The following RGMA variants were observed in gnomAD, a reference collection of about 807,000 sequenced individuals.
The protein encoded by RGMA is repulsive guidance molecule A.
RGMA carries 10 observed loss-of-function variants against 23.2 expected under a neutral mutation model. The observed-to-expected ratio is 0.43, with a 90% CI of 0.27 to 0.73. RGMA has a LOEUF of 0.73. Among genes scored for constraint, RGMA ranks in the 30% least tolerant of loss-of-function variants. The pLI, the probability that RGMA is intolerant of heterozygous loss-of-function variation, is 0.20. For missense variants in RGMA, 547 were observed against 630.5 expected (o/e 0.87, Z 1.42); for synonymous variants, 308 against 279.3 (o/e 1.10, Z -1.03).
Position 93,062,703 on chromosome 15 carries a change from C to G in RGMA, c.131-10196G>C, listed in dbSNP as rs372024413. ...TAGATGGAGAAGGGAAGGTGGGAGG[C>G]AGGAGACAGGTTTACCTGCCGTCCC... On this transcript the variant is annotated intron_variant, in intron 2 of 3. Transcript: ENST00000329082. The G allele has an allele frequency of 4.6e-5, 7 of 152,314 alleles. No homozygotes were observed. In the East Asian group the frequency reaches 1.3e-3, roughly 29 times the overall value. 9.4% of individuals were successfully genotyped at this position (152,314 alleles called of 1,614,324 possible).
rs1895691244 is a variant in RGMA, at chr15:93,089,059, G to A, written c.-127C>T. On this transcript the variant is annotated 5_prime_UTR_variant, in exon 1 of 4. Transcript: ENST00000329082. ...CGCTGGCGCTGGTCCCCGCCGCCCC[G>A]GCCGGCTCAGCAGCGGCCCGGGGAG... 5 of 505,918 alleles carry A rather than the reference G, an allele frequency of 9.9e-6. No individual in the cohort carries two copies. The highest frequency in any genetic ancestry group is 5.8e-4 in the Middle Eastern group (1 of 1,732). The allele number at this position is 505,918 out of a possible 1,614,324, so 31.3% of individuals were successfully genotyped here. A position where few individuals can be genotyped will look rare whatever the true frequency, so the allele number is the denominator to read the frequency against.
chr15:93,083,237 AAGGTGACATGT>A (rs1895586123), intron 1 of RGMA, among the ~76,000 whole-genome samples: 1 of 152,258 alleles, frequency 6.6e-6, no homozygotes. Flanking sequence ...AGCATGGAAG[AAGGTGACATGT>A]AGCTTTTTTT....
intron 1 of RGMA, among the ~76,000 whole-genome samples, chr15:93,075,706 A>G (rs1362020078): frequency 6.6e-6 from 1 of 152,190 alleles, no homozygotes; most frequent in African/African-American, 2.4e-5. Flanking sequence ...AAGAGGCCCC[A>G]GGCCATGGGA....
At chr15:93,065,832 C>G in intron 2 of RGMA, 1 of 787,114 alleles carries the variant, frequency 1.3e-6, no homozygotes, top group Admixed American at 1.8e-5. Context: ...ACCCGCTCAC[C>G]TCCCTGCTGT....
At chr15:93,059,908 G>T (rs546284112) in intron 2 of RGMA, among the ~76,000 whole-genome samples, 5 of 152,348 alleles carry the variant, frequency 3.3e-5, no homozygotes, top group African/African-American at 1.2e-4. Context: ...TCCATGGAAA[G>T]AAGGAAGGAA....
At chr15:93,085,257 CG>C in intron 1 of RGMA, among the ~76,000 whole-genome samples, 1 of 152,288 alleles carries the variant, frequency 6.6e-6, no homozygotes, top group Admixed American at 6.5e-5. Context: ...CCACAACAGA[CG>C]GTAACTACTA....
intron 1 of RGMA, chr15:93,073,547 G>C (rs1452967258): frequency 3.3e-6 from 5 of 1,504,612 alleles, no homozygotes; most frequent in Non-Finnish European, 3.6e-6. Flanking sequence ...GTCCTTGGAG[G>C]CAAATCCCAG....
chr15:93,055,023 G>A (rs2054991047), intron 2 of RGMA, among the ~76,000 whole-genome samples: 1 of 152,168 alleles, frequency 6.6e-6, no homozygotes, highest in Admixed American at 6.5e-5. Flanking sequence ...GAGGGACCCA[G>A]CACACAGGAA....
chr15:93,058,439 G>C (rs1048669526), intron 2 of RGMA, among the ~76,000 whole-genome samples: 5 of 152,258 alleles, frequency 3.3e-5, no homozygotes, highest in African/African-American at 1.2e-4. Context: ...GCAAAGCCGG[G>C]AGACTCGGGA....
At chr15:93,046,829 C>T (rs527986742) in intron 3 of RGMA, among the ~76,000 whole-genome samples, 5 of 150,526 alleles carry the variant, frequency 3.3e-5, no homozygotes, top group East Asian at 1.9e-4. Context: ...AGCAGGGAGG[C>T]TCCTTTCTGC....
chr15:93,084,041 T>C (rs971491501), intron 1 of RGMA, among the ~76,000 whole-genome samples: 2 of 152,178 alleles, frequency 1.3e-5, no homozygotes, highest in African/African-American at 4.8e-5. Context: ...TCCAAACAAA[T>C]GTTAATTATT....
rs193218009 is a variant in RGMA, at chr15:93,067,557, C to T, written c.130+5359G>A. Among the ~76,000 whole-genome samples the T allele has an allele frequency of 6.7e-4, 102 of 152,130 alleles. 2 individuals are homozygous for T. The highest frequency in any genetic ancestry group is 3.4e-3 in the Middle Eastern group (1 of 294). On this transcript the variant is annotated intron_variant, in intron 2 of 3. Transcript: ENST00000329082. ...CCAAGGTAACAGGTGTCCCCGGCGT[C>T]GGGGGGGTCTGCACTGGACCCCTGT...
intron 1 of RGMA, among the ~76,000 whole-genome samples, chr15:93,081,965 T>C (rs748213505): frequency 7.2e-5 from 11 of 152,242 alleles, no homozygotes; most frequent in South Asian, 2.1e-4. Flanking sequence ...AGAGGCAATA[T>C]AGCATGCTGG....
At chr15:93,073,814 A>G in intron 1 of RGMA, 1 of 1,528,532 alleles carries the variant, frequency 6.5e-7, no homozygotes, top group Non-Finnish European at 8.8e-7. Context: ...TGCTTCCTGA[A>G]GACTTGCCCC....
rs1378983858 is a variant in RGMA, at chr15:93,045,067, C to T, written c.1284G>A (p.Leu428=). The T allele has an allele frequency of 6.4e-7, 1 of 1,572,090 alleles. No homozygotes were observed. The highest frequency in any genetic ancestry group is 8.6e-7 in the Non-Finnish European group (1 of 1,158,966). The change falls in exon 4 of 4, where the codon CTG becomes CTA. Residue 428 remains leucine, a synonymous_variant. Coordinates refer to ENST00000329082, the MANE Select transcript of RGMA (RefSeq NM_020211.3). This position sits in a 1 kb window ranked among gnomAD's most constrained non-coding sequence, Gnocchi z 6.9. ...RDLPGRAAAG[L]PLAPRPLLGA... ...CCAGGAGGGGCCGGGGGGCCAGGGG[C>T]AGCCCCGCAGCCGCCCTGCCTGGCA...
rs751973310 is a variant in RGMA at position 93,045,046 on chromosome 15, G to T, written c.1305C>A (p.Leu435=). ...AAGLPLAPRP[L]LGALVPLLAL... ...CCAGGAGCGGGACGAGGGCGCCCAG[G>T]AGGGGCCGGGGGGCCAGGGGCAGCC... The change falls in exon 4 of 4, where the codon CTC becomes CTA. Residue 435 remains leucine (L), a synonymous_variant. Coordinates refer to ENST00000329082, the MANE Select transcript of RGMA (RefSeq NM_020211.3). The surrounding 1 kb of genome is among the most constrained non-coding windows in gnomAD (Gnocchi z 6.9). 1 of 1,581,672 alleles carries T rather than the reference G, an allele frequency of 6.3e-7. No homozygotes were observed. Among genetic ancestry groups the T allele is most frequent in the African/African-American group, 1.3e-5 (1 of 74,426 alleles).
intron 1 of RGMA, among the ~76,000 whole-genome samples, chr15:93,079,983 A>G (rs1017946537): frequency 3.9e-5 from 6 of 152,124 alleles, no homozygotes; most frequent in African/African-American, 1.4e-4. Flanking sequence ...CTCTCTGTGT[A>G]AAGAATATCA....
chr15:93,053,749 C>G (rs1026986463), intron 2 of RGMA, among the ~76,000 whole-genome samples: 1 of 152,184 alleles, frequency 6.6e-6, no homozygotes, highest in Non-Finnish European at 1.5e-5. Flanking sequence ...CCTACTGGAG[C>G]ACAAGTCACC....
chr15:93,058,277 T>C (rs1324934743), intron 2 of RGMA, among the ~76,000 whole-genome samples: 1 of 152,202 alleles, frequency 6.6e-6, no homozygotes. Flanking sequence ...GCGGTGGACC[T>C]TACTGTGGTG....
Sources: allele counts gnomAD v4.1 joint callset (sites outside exome capture counted in the v4.1 genomes callset), GRCh38; gene constraint gnomAD v4.1.1; non-coding constraint Gnocchi (gnomAD v3.1); transcripts MANE v1.5; gene names NCBI Gene and HGNC (gene_info 2026-07-23, HGNC 2026-07-21).